Variants in CDH26 observed in about 807,000 individuals in gnomAD.
CDH26 encodes cadherin-like protein 26.
Under a neutral mutation model 90.3 loss-of-function variants are expected in CDH26, and 83 were observed. The observed-to-expected ratio is 0.92, with a 90% CI of 0.77 to 1.10. The LOEUF (loss-of-function observed/expected upper bound fraction) is 1.10. CDH26 is among the 50% of genes least tolerant of loss of function. The pLI, the probability that CDH26 is intolerant of heterozygous loss-of-function variation, is 0.00. For missense variants in CDH26, 1,013 were observed against 1,037.6 expected, an observed-to-expected ratio of 0.98 and a Z score of 0.33; for synonymous variants, 397 against 396.3, an observed-to-expected ratio of 1.00 and a Z score of -0.02.
intron 8 of CDH26, 90 bp from the exon 9 acceptor site, chr20:59,988,814 G>A: frequency 7.0e-7 from 1 of 1,434,362 alleles, no homozygotes; most frequent in Admixed American, 2.0e-5. Flanking sequence ...AAAGCCACAA[G>A]CTCTGAGTTT....
At chr20:60,021,997 A>G (rs1200324977) in intron 7 of CDH26, among the ~76,000 whole-genome samples, 1 of 151,158 alleles carries the variant, frequency 6.6e-6, no homozygotes, top group Admixed American at 6.6e-5. Context: ...ATCTTTATGA[A>G]GTACCCCTGG....
In CDH26 at chr20:60,012,676, T is replaced by A. The variant is rs2061863036; in HGVS notation, c.2445T>A (p.Gly815=). The A allele has an allele frequency of 1.2e-6, 2 of 1,613,792 alleles. No individual in the cohort carries two copies. The highest frequency in any genetic ancestry group is 2.2e-5 in the East Asian group (1 of 44,864). Residue 815 remains glycine, a synonymous_variant, in exon 18 of 18, where the codon GGT becomes GGA. Coordinates refer to ENST00000348616, the MANE Select transcript of CDH26 (RefSeq NM_177980.4). The stretch of plus-strand genomic sequence containing the variant: ...AACCTGATTTGCTGGACTCTTTGGG[T>A]TCAAAAGCGACTCCGTTTGAGGAAA... ...ELQPDLLDSL[G]SKATPFEEIY...
At chr20:59,968,007 CT>C in intron 1 of CDH26, among the ~76,000 whole-genome samples, 2 of 118,758 alleles carry the variant, frequency 1.7e-5, no homozygotes, top group East Asian at 2.4e-4. Flanking sequence ...TTCTTTCTTT[CT>C]TTCTTCCTTT....
At chr20:59,982,290 C>T (rs989181504) in intron 4 of CDH26, among the ~76,000 whole-genome samples, 1 of 152,100 alleles carries the variant, frequency 6.6e-6, no homozygotes, top group Non-Finnish European at 1.5e-5. Flanking sequence ...TGTGCTCTTA[C>T]CTTTACTATT....
intron 7 of CDH26, among the ~76,000 whole-genome samples, chr20:60,026,431 A>G (rs2061998642): frequency 6.8e-6 from 1 of 146,850 alleles, no homozygotes; most frequent in African/African-American, 2.5e-5. Flanking sequence ...AGAGAGGGAG[A>G]AGAGGAGGCA....
At chr20:59,996,864 C>G in intron 13 of CDH26, 103 bp downstream of exon 13, 4 of 1,452,672 alleles carry the variant, frequency 2.8e-6, no homozygotes, top group Non-Finnish European at 3.8e-6. Flanking sequence ...TAATTCTTCA[C>G]TCTTACCCGT....
At chr20:59,990,602 G>A (rs194993) in intron 9 of CDH26, among the ~76,000 whole-genome samples, 1 of 151,958 alleles carries the variant, frequency 6.6e-6, no homozygotes, top group Non-Finnish European at 1.5e-5. Context: ...ATAATGAAAT[G>A]GAATTACTAG....
At chr20:60,026,516 T>C (rs1278538686) in intron 7 of CDH26, among the ~76,000 whole-genome samples, 5 of 152,064 alleles carry the variant, frequency 3.3e-5, no homozygotes, top group African/African-American at 1.2e-4. Flanking sequence ...TTAGTGGCTT[T>C]GAAGGGGGCC....
chr20:60,012,155 G>C (rs2061852356), intron 17 of CDH26, among the ~76,000 whole-genome samples: 1 of 152,064 alleles, frequency 6.6e-6, no homozygotes, highest in African/African-American at 2.4e-5. Context: ...AGAGAGAGGG[G>C]ACAGTTGTCC....
Position 59,992,317 on chromosome 20 carries a change from T to C in CDH26, c.1284-61T>C. On this transcript the variant is annotated intron_variant, in intron 9 of 17. Coordinates refer to ENST00000348616, the MANE Select transcript of CDH26 (RefSeq NM_177980.4). This position sits in a 1 kb window ranked among gnomAD's most constrained non-coding sequence, Gnocchi z 5.0. ...ACATATTTTGTTTTTTTATGCAACTTTTTTATCTTTTAATGTAAGTTTTTA... is the reference window on the plus strand; with the variant it reads ...ACATATTTTGTTTTTTTATGCAACTCTTTTATCTTTTAATGTAAGTTTTTA... 1 of 1,533,414 alleles carries C rather than the reference T, an allele frequency of 6.5e-7. No individual in the cohort carries two copies. The highest frequency in any genetic ancestry group is 8.8e-7 in the Non-Finnish European group (1 of 1,136,594). 95.0% of individuals were successfully genotyped at this position (1,533,414 alleles called of 1,614,324 possible). A position where few individuals can be genotyped will look rare whatever the true frequency, so the allele number is the denominator to read the frequency against.
chr20:59,996,951 T>G (rs1318716817), intron 13 of CDH26, among the ~76,000 whole-genome samples, 190 bp downstream of exon 13: 1 of 152,262 alleles, frequency 6.6e-6, no homozygotes, highest in Non-Finnish European at 1.5e-5. Context: ...TTTAGATCAA[T>G]GGTTCTCAAC....
At chr20:59,994,222 A>G in intron 10 of CDH26, 28 bp from the exon 11 acceptor site, 1 of 1,613,178 alleles carries the variant, frequency 6.2e-7, no homozygotes, top group Non-Finnish European at 8.5e-7. Context: ...CGAGATAAAC[A>G]ACTCCTGAAA....
chr20:59,972,429 A>C (rs925950439), intron 4 of CDH26, among the ~76,000 whole-genome samples: 1 of 152,164 alleles, frequency 6.6e-6, no homozygotes, highest in Non-Finnish European at 1.5e-5. Flanking sequence ...ATGTTTATAA[A>C]ATGGGCTAAT....
At chr20:59,995,538 T>C (rs1430995092) in intron 11 of CDH26, among the ~76,000 whole-genome samples, 1 of 152,214 alleles carries the variant, frequency 6.6e-6, no homozygotes, top group Admixed American at 6.5e-5. Context: ...TCTTTCCTTG[T>C]GTGATTTACG....
In CDH26 at chr20:60,006,863, G is replaced by GAC. The variant is rs2061761012; in HGVS notation, c.2295+79_2295+80dup. 4 of 1,082,860 alleles carry GAC rather than the reference G, an allele frequency of 3.7e-6. No homozygotes were observed. The South Asian group carries it at 5.1e-5, about 14-fold the overall frequency. The allele number at this position is 1,082,860 out of a possible 1,614,324, so 67.1% of individuals were successfully genotyped here. On this transcript the variant is annotated intron_variant, in intron 17 of 17. Coordinates refer to ENST00000348616, the MANE Select transcript of CDH26 (RefSeq NM_177980.4). The stretch of plus-strand genomic sequence containing the variant: ...CACTGTGCTCCAGGCTTGATTTGGG[G>GAC]ACACTTCCTCCTAAATCACTGCATT...
rs530586310 is a variant in CDH26, at chr20:59,981,491, C to G, written c.394-1432C>G. Among the ~76,000 whole-genome samples the G allele has an allele frequency of 2.8e-4, 43 of 152,184 alleles. 1 individual carries two copies. The South Asian group carries it at 8.9e-3, about 32-fold the overall frequency. On this transcript the variant is annotated intron_variant, in intron 4 of 17. Transcript: ENST00000348616. ...TGGAGCTGTTTTAAAATTTTTATTT[C>G]TAATTATGCATTGCTGGTTTATAGA...
At chr20:60,009,333 C>T (rs1050520757) in intron 17 of CDH26, among the ~76,000 whole-genome samples, 2 of 152,172 alleles carry the variant, frequency 1.3e-5, no homozygotes, top group South Asian at 2.1e-4. Flanking sequence ...GCTACACTCT[C>T]GGGTGAAGCT....
At chr20:59,969,961 C>A in intron 2 of CDH26, 121 bp from the exon 3 acceptor site, 1 of 1,416,264 alleles carries the variant, frequency 7.1e-7, no homozygotes. Flanking sequence ...GCTGTTCTGG[C>A]GATGAGAGAA....
intron 4 of CDH26, among the ~76,000 whole-genome samples, chr20:59,972,947 G>A (rs377559328): frequency 4.6e-5 from 7 of 152,188 alleles, no homozygotes; most frequent in South Asian, 2.1e-4. Context: ...TTTTTAAATC[G>A]GTGAAAATTG....
Sources: allele counts gnomAD v4.1 joint callset (sites outside exome capture counted in the v4.1 genomes callset), GRCh38; gene constraint gnomAD v4.1.1; non-coding constraint Gnocchi (gnomAD v3.1); transcripts MANE v1.5; gene names NCBI Gene and HGNC (gene_info 2026-07-23, HGNC 2026-07-21).